B4GALT5: variants seen among roughly 807,000 people sequenced by gnomAD.
B4GALT5 encodes beta-1,4-galactosyltransferase 5, also known as UDP-Gal:beta-GlcNAc beta-1,4-galactosyltransferase 5.
Under a neutral mutation model 45.0 loss-of-function variants are expected in B4GALT5, and 11 were observed. The ratio of observed to expected loss-of-function variants is 0.24; its 90% CI spans 0.15 to 0.40. The LOEUF is 0.40. Among genes scored for constraint, B4GALT5 ranks in the 10% least tolerant of loss-of-function variants. The pLI is 1.00. For missense variants in B4GALT5, 337 were observed against 500.2 expected, an observed-to-expected ratio of 0.67 and a Z score of 3.11; for synonymous variants, 185 against 182.9, an observed-to-expected ratio of 1.01 and a Z score of -0.09.
rs138478473 is a variant in B4GALT5 at position 49,689,114 on chromosome 20, T to A, written c.115+24462A>T. On this transcript the variant is annotated intron_variant, in intron 1 of 8. Coordinates refer to ENST00000371711, the MANE Select transcript of B4GALT5 (RefSeq NM_004776.4). ...TATTGAGTGCTAGCCTGAGAAAATG[T>A]CTCAGCAAAACAGTGTTTAGGTATC... 6.1e-3 allele frequency among the ~76,000 whole-genome samples: 927 copies of A among 152,166 alleles called. 7 individuals carry two copies. Among genetic ancestry groups the A allele is most frequent in the Middle Eastern group, 0.017 (5 of 294 alleles).
chr20:49,694,417 C>T (rs2085829224), intron 1 of B4GALT5, among the ~76,000 whole-genome samples: 3 of 151,870 alleles, frequency 2.0e-5, no homozygotes, highest in South Asian at 4.2e-4. Flanking sequence ...TCTGGGAGGG[C>T]GAGGTGGGAA....
At chr20:49,674,861 A>T (rs556985910) in intron 1 of B4GALT5, among the ~76,000 whole-genome samples, 1 of 152,278 alleles carries the variant, frequency 6.6e-6, no homozygotes, top group Admixed American at 6.5e-5. Context: ...TATGACTCAG[A>T]AAAGTCCATA....
chr20:49,665,521 A>G (rs1386335540), intron 1 of B4GALT5, among the ~76,000 whole-genome samples: 1 of 150,940 alleles, frequency 6.6e-6, no homozygotes, highest in African/African-American at 2.4e-5. Flanking sequence ...TTACACTTCT[A>G]TAAAACACCA....
intron 5 of B4GALT5, among the ~76,000 whole-genome samples, 167 bp from the exon 6 acceptor site, chr20:49,640,832 G>A (rs2085574077): frequency 6.6e-6 from 1 of 152,224 alleles, no homozygotes; most frequent in Admixed American, 6.5e-5. Flanking sequence ...AGAAGTCACT[G>A]GACCTCTGGC....
In B4GALT5 at chr20:49,639,612, C is replaced by T. The variant is rs1434632638; in HGVS notation, c.917+66G>A. ...CACATGGCTTGCATTATATTCCTAT[C>T]GGATAGTATTGGTCTGCAGTCTAAG... is the stretch of plus-strand genomic sequence containing the variant. On this transcript the variant is annotated intron_variant, in intron 7 of 8. Coordinates refer to ENST00000371711, the MANE Select transcript of B4GALT5 (RefSeq NM_004776.4). The T allele has an allele frequency of 5.4e-5, 85 of 1,576,218 alleles. No homozygotes were observed. In the Admixed American group the frequency reaches 1.2e-3, roughly 23 times the overall value.
chr20:49,679,553 G>A lies in B4GALT5; in HGVS notation c.116-22851C>T, dbSNP rs533052865. Among the ~76,000 whole-genome samples the A allele has an allele frequency of 2.5e-4, 38 of 151,760 alleles. 1 individual carries two copies. In the South Asian group the frequency reaches 7.9e-3, roughly 32 times the overall value. On this transcript the variant is annotated intron_variant, in intron 1 of 8. Transcript: ENST00000371711. ...TAGCCAGGCGTGGTGGCATGCACCT[G>A]TAGTCCCAGCTACTCAGGAGGCTGA...
intron 3 of B4GALT5, among the ~76,000 whole-genome samples, chr20:49,645,938 GTGT>G (rs1298242178): frequency 6.6e-6 from 1 of 151,496 alleles, no homozygotes; most frequent in Non-Finnish European, 1.5e-5. Flanking sequence ...ACACTGCAGC[GTGT>G]TGCCCAGGCC....
chr20:49,692,492 T>C (rs1324768967), intron 1 of B4GALT5, among the ~76,000 whole-genome samples: 3 of 151,920 alleles, frequency 2.0e-5, no homozygotes, highest in Admixed American at 6.6e-5. Flanking sequence ...ACAAAAACAA[T>C]AGAAAATATC....
chr20:49,701,412 G>A (rs1291244015), intron 1 of B4GALT5, among the ~76,000 whole-genome samples: 2 of 151,974 alleles, frequency 1.3e-5, no homozygotes, highest in African/African-American at 2.4e-5. Flanking sequence ...GCTTTTACAC[G>A]TTAGATTTTT....
chr20:49,663,706 T>G (rs868202557), intron 1 of B4GALT5, among the ~76,000 whole-genome samples: 1 of 50,296 alleles, frequency 2.0e-5, no homozygotes, highest in Non-Finnish European at 4.6e-5. Context: ...TACATATATA[T>G]ATATATATAT....
At chr20:49,663,685 A>AAAG (rs2085675089) in intron 1 of B4GALT5, among the ~76,000 whole-genome samples, 1 of 60,098 alleles carries the variant, frequency 1.7e-5, no homozygotes, top group African/African-American at 6.1e-5. Context: ...GAAAAAAAAA[A>AAAG]AAAAAATATA....
At chr20:49,692,810 A>T (rs1229623349) in intron 1 of B4GALT5, among the ~76,000 whole-genome samples, 1 of 152,204 alleles carries the variant, frequency 6.6e-6, no homozygotes, top group Non-Finnish European at 1.5e-5. Context: ...GTTTTTGAAA[A>T]ATTACACACA....
At chr20:49,696,619 C>T (rs189542729) in intron 1 of B4GALT5, among the ~76,000 whole-genome samples, 85 of 152,256 alleles carry the variant, frequency 5.6e-4, no homozygotes, top group African/African-American at 2.0e-3. Flanking sequence ...TAAATTGCTG[C>T]CATCCTTTTT....
intron 7 of B4GALT5, among the ~76,000 whole-genome samples, chr20:49,638,013 G>T (rs1335757834): frequency 8.5e-6 from 1 of 117,320 alleles, no homozygotes; most frequent in African/African-American, 3.2e-5. Flanking sequence ...TTAGACACTT[G>T]TATCATCTAA....
At chr20:49,652,538 G>A (rs923618779) in intron 2 of B4GALT5, among the ~76,000 whole-genome samples, 1 of 151,682 alleles carries the variant, frequency 6.6e-6, no homozygotes, top group African/African-American at 2.4e-5. Flanking sequence ...TAAAACCACC[G>A]AGAAAGAGGT....
chr20:49,643,922 C>CTTTTTTTTTTTTTTTT lies in B4GALT5; in HGVS notation c.365-288_365-273dup, dbSNP rs138727530. 1.5e-4 allele frequency among the ~76,000 whole-genome samples: 8 copies of CTTTTTTTTTTTTTTTT among 52,184 alleles called. 1 individual carries two copies. Among genetic ancestry groups the CTTTTTTTTTTTTTTTT allele is most frequent in the African/African-American group, 6.8e-4 (8 of 11,788 alleles). The allele number at this position is 52,184 out of a possible 152,430, so 34.2% of individuals were successfully genotyped here. A position where few individuals can be genotyped will look rare whatever the true frequency, so the allele number is the denominator to read the frequency against. On this transcript the variant is annotated intron_variant, in intron 3 of 8. Transcript: ENST00000371711. Reference sequence around the variant, plus strand: ...AACTTTAAGTAAAACAGTAGCTGAGCTTTTTTTTTTTTTTTTTTTTTTTTT... The same window carrying CTTTTTTTTTTTTTTTT: ...AACTTTAAGTAAAACAGTAGCTGAGCTTTTTTTTTTTTTTTTTTTTTTTTTTTTTTTTTTTTTTTTT...
chr20:49,690,065 A>C (rs986784015), intron 1 of B4GALT5, among the ~76,000 whole-genome samples: 2 of 152,122 alleles, frequency 1.3e-5, no homozygotes, highest in Non-Finnish European at 2.9e-5. Flanking sequence ...GTGCAGTGGC[A>C]TGATCTCAGC....
At chr20:49,651,861 T>C (rs1379281145) in intron 2 of B4GALT5, among the ~76,000 whole-genome samples, 1 of 151,822 alleles carries the variant, frequency 6.6e-6, no homozygotes, top group East Asian at 2.0e-4. Context: ...AGCAGATCAC[T>C]TGAAGCCAGG....
intron 7 of B4GALT5, 63 bp downstream of exon 7, chr20:49,639,615 A>G: frequency 1.3e-6 from 2 of 1,586,300 alleles, no homozygotes; most frequent in East Asian, 2.3e-5. Context: ...TTCCTATCGG[A>G]TAGTATTGGT....
Sources: allele counts gnomAD v4.1 joint callset (sites outside exome capture counted in the v4.1 genomes callset), GRCh38; gene constraint gnomAD v4.1.1; transcripts MANE v1.5; gene names NCBI Gene and HGNC (gene_info 2026-07-23, HGNC 2026-07-21).